The following MMP28 variants were observed in gnomAD, a reference collection of about 807,000 sequenced individuals.
MMP28 encodes matrix metalloproteinase-28.
MMP28 carries 55 observed loss-of-function variants against 60.5 expected under a neutral mutation model. The ratio of observed to expected loss-of-function variants is 0.91; its 90% CI spans 0.73 to 1.14. The LOEUF is 1.14. Ranked by LOEUF, MMP28 falls within the 50% of genes most tolerant of loss-of-function variation. The pLI is 0.00. For synonymous variants in MMP28, 318 were observed against 312.5 expected, an observed-to-expected ratio of 1.02 and a Z score of -0.18; for missense variants, 686 against 738.3, an observed-to-expected ratio of 0.93 and a Z score of 0.82.
downstream of MMP28, chr17:35,764,011 G>A: frequency 2.6e-6 from 4 of 1,540,672 alleles, no homozygotes; most frequent in Non-Finnish European, 3.5e-6. Flanking sequence ...CCGCAGGTGT[G>A]AAGACCCCCT....
In MMP28 at chr17:35,766,043, C is replaced by A; in HGVS notation, c.*457G>T. 1.0e-6 allele frequency: 1 copy of A among 985,090 alleles called. No individual in the cohort carries two copies. The allele number at this position is 985,090 out of a possible 1,614,324, so 61.0% of individuals were successfully genotyped here. A position where few individuals can be genotyped will look rare whatever the true frequency, so the allele number is the denominator to read the frequency against. Reference sequence around the variant, plus strand: ...CCATCCATGCTTCCTGGGGGTGGGGCCTCTGACTAAATATGACACCGTTTT... The same window carrying A: ...CCATCCATGCTTCCTGGGGGTGGGGACTCTGACTAAATATGACACCGTTTT... On this transcript the variant is annotated 3_prime_UTR_variant, in exon 8 of 8. Transcript: ENST00000605424. This position sits in a 1 kb window ranked among gnomAD's most constrained non-coding sequence, Gnocchi z 4.3.
At chr17:35,788,536 A>G (rs1236572053) in intron 1 of MMP28, among the ~76,000 whole-genome samples, 3 of 152,036 alleles carry the variant, frequency 2.0e-5, no homozygotes, top group Non-Finnish European at 4.4e-5. Context: ...TATTCACCCT[A>G]TACCCATGAG....
intron 1 of MMP28, among the ~76,000 whole-genome samples, chr17:35,794,560 G>T (rs750527348): frequency 3.3e-5 from 5 of 151,954 alleles, no homozygotes; most frequent in African/African-American, 4.8e-5. Flanking sequence ...CTTTTATCTA[G>T]AAAATAGATG....
chr17:35,795,220 A>C (rs1372986200), intron 1 of MMP28, 47 bp downstream of exon 1: 1 of 1,278,732 alleles, frequency 7.8e-7, no homozygotes, highest in African/African-American at 1.6e-5. Context: ...GAGTTCTGAC[A>C]GGTCTCAAGC....
chr17:35,794,402 C>A (rs1203144143), intron 1 of MMP28, among the ~76,000 whole-genome samples: 8 of 151,744 alleles, frequency 5.3e-5, no homozygotes, highest in Admixed American at 5.2e-4. Flanking sequence ...CCTGCCACTA[C>A]GTCTGGCTAA....
At chr17:35,793,498 G>C (rs2086875145) in intron 1 of MMP28, among the ~76,000 whole-genome samples, 1 of 152,170 alleles carries the variant, frequency 6.6e-6, no homozygotes, top group Non-Finnish European at 1.5e-5. Flanking sequence ...AGAAACCAGA[G>C]AGCACAGAGC....
rs2086941073 is a variant in MMP28, at chr17:35,795,357, G to A, written c.21C>T (p.Leu7=). 5 of 1,449,758 alleles carry A rather than the reference G, an allele frequency of 3.4e-6. No individual in the cohort carries two copies. Among genetic ancestry groups the A allele is most frequent in the Non-Finnish European group, 4.5e-6 (5 of 1,103,848 alleles). 89.8% of individuals were successfully genotyped at this position (1,449,758 alleles called of 1,614,324 possible). The change falls in exon 1 of 8, where the codon CTC becomes CTT. Residue 7 remains leucine, a synonymous_variant. Coordinates refer to ENST00000605424, the MANE Select transcript of MMP28 (RefSeq NM_024302.5). MVARVG[L]LLRALQLLLW... ...GTAGCAGCTGCAGGGCGCGCAGCAG[G>A]AGGCCGACGCGCGCGACCATCTCGC...
At chr17:35,787,899 C>CTTTT (rs532350874) in intron 1 of MMP28, among the ~76,000 whole-genome samples, 28 of 104,420 alleles carry the variant, frequency 2.7e-4, no homozygotes, top group Non-Finnish European at 3.7e-4. Flanking sequence ...TTTTCTTTCC[C>CTTTT]TTTTTTTTTT....
chr17:35,784,718 T>C (rs534766852), intron 1 of MMP28, among the ~76,000 whole-genome samples: 4 of 152,270 alleles, frequency 2.6e-5, no homozygotes, highest in African/African-American at 9.6e-5. Context: ...ACAAACCCTC[T>C]TGGGGGCCAT....
downstream of MMP28, chr17:35,764,406 C>G (rs782446082): frequency 5.3e-6 from 8 of 1,512,722 alleles, no homozygotes; most frequent in Admixed American, 2.2e-5. Context: ...AGGCACTGAG[C>G]GCCTGGTCCC....
At chr17:35,770,997 G>A (rs954669744) in intron 4 of MMP28, among the ~76,000 whole-genome samples, 62 of 152,260 alleles carry the variant, frequency 4.1e-4, no homozygotes, top group African/African-American at 1.4e-3. Flanking sequence ...AGGCTGCGGT[G>A]AGCTGTGATT....
At chr17:35,779,394 G>GCA in intron 1 of MMP28, 71 bp from the exon 2 acceptor site, 1 of 1,268,674 alleles carries the variant, frequency 7.9e-7, no homozygotes. Context: ...AGGGCCCAGG[G>GCA]CACATACATC....
rs540753060 is a variant in MMP28 at position 35,795,637 on chromosome 17, G to A, written c.-260C>T. 9 of 341,036 alleles carry A rather than the reference G, an allele frequency of 2.6e-5. No homozygotes were observed. The South Asian group carries it at 1.2e-3, about 45-fold the overall frequency. The allele number at this position is 341,036 out of a possible 1,614,324, so 21.1% of individuals were successfully genotyped here. ...TCCGCCGGCCCCGGGGACCGAGGGA[G>A]GGAGGAAGGAAAGGCAGGCGGAGGG... On this transcript the variant is annotated 5_prime_UTR_variant, in exon 1 of 8. Coordinates refer to ENST00000605424, the MANE Select transcript of MMP28 (RefSeq NM_024302.5).
At chr17:35,778,855 A>G in intron 3 of MMP28, 33 bp downstream of exon 3, 3 of 1,614,042 alleles carry the variant, frequency 1.9e-6, no homozygotes, top group Non-Finnish European at 2.5e-6. Context: ...ACATTGGGAA[A>G]TCTTGGCCTA....
At chr17:35,768,479 A>G (rs2086016111) in intron 5 of MMP28, 100 bp from the exon 6 acceptor site, 1 of 982,042 alleles carries the variant, frequency 1.0e-6, no homozygotes, top group East Asian at 2.5e-5. Context: ...TGATTATCTA[A>G]TATGAGGGGC....
chr17:35,762,244 C>T (rs1399315292), downstream of MMP28, among the ~76,000 whole-genome samples: 1 of 152,220 alleles, frequency 6.6e-6, no homozygotes, highest in East Asian at 1.9e-4. Context: ...CCTGCTTCGG[C>T]CTCCCAAAGT....
At chr17:35,764,580 C>A (rs1208089126), downstream of MMP28, 10 of 1,594,806 alleles carry the variant, frequency 6.3e-6, no homozygotes, top group East Asian at 2.4e-5. Flanking sequence ...TCTGGATCAC[C>A]CGGATCTGGG....
intron 1 of MMP28, among the ~76,000 whole-genome samples, chr17:35,791,867 CAGTG>C (rs1219201761): frequency 6.6e-6 from 1 of 152,182 alleles, no homozygotes; most frequent in East Asian, 1.9e-4. Flanking sequence ...GAAGGACTTG[CAGTG>C]AACCCCATAC....
chr17:35,771,447 A>G (rs983228984), intron 4 of MMP28, among the ~76,000 whole-genome samples: 1 of 149,360 alleles, frequency 6.7e-6, no homozygotes, highest in Non-Finnish European at 1.5e-5. Flanking sequence ...AAAAAAAAAA[A>G]AAAAGAATTA....
Sources: gnomAD v4.1 joint callset for allele counts (sites outside exome capture counted in the v4.1 genomes callset) on GRCh38, gnomAD v4.1.1 for gene constraint, Gnocchi (gnomAD v3.1) non-coding constraint, MANE v1.5 for transcripts, NCBI Gene and HGNC (gene_info 2026-07-23, HGNC 2026-07-21) for gene names.